The following GDF6 variants were observed in gnomAD, a reference collection of about 807,000 sequenced individuals.
GDF6 encodes the protein growth/differentiation factor 6.
Under a neutral mutation model 32.4 loss-of-function variants are expected in GDF6, and 3 were observed. The ratio of observed to expected loss-of-function variants is 0.09; its 90% CI spans 0.04 to 0.24. The LOEUF (loss-of-function observed/expected upper bound fraction) is 0.24. Ranked by LOEUF, GDF6 falls within the 10% of genes least tolerant of loss-of-function variation. The probability of loss-of-function intolerance (pLI) is 1.00; values close to 1 mark genes in which losing one functional copy is unlikely to be tolerated. For synonymous variants in GDF6, 296 were observed against 295.3 expected, an observed-to-expected ratio of 1.00 and a Z score of -0.03; for missense variants, 589 against 637.9, an observed-to-expected ratio of 0.92 and a Z score of 0.83.
Position 96,160,775 on chromosome 8 carries a change from G to A in GDF6, c.-83C>T. The A allele has an allele frequency of 7.1e-7, 1 of 1,409,080 alleles. No homozygotes were observed. The highest frequency in any genetic ancestry group is 2.0e-5 in the Admixed American group (1 of 49,906). The allele number at this position is 1,409,080 out of a possible 1,614,324, so 87.3% of individuals were successfully genotyped here. On this transcript the variant is annotated 5_prime_UTR_variant, in exon 1 of 2. Coordinates refer to ENST00000287020, the MANE Select transcript of GDF6 (RefSeq NM_001001557.4). ...GGCACGGAGCGGCTGGACAGCGGCC[G>A]GGGCCCGGCTCCTCGGGCGGACTCG...
At chr8:96,153,639 A>G (rs1046300564) in intron 1 of GDF6, among the ~76,000 whole-genome samples, 1 of 152,218 alleles carries the variant, frequency 6.6e-6, no homozygotes, top group Non-Finnish European at 1.5e-5. Flanking sequence ...CGGAGCTGGA[A>G]TATGATCGGG....
rs748412399 is a variant in GDF6, at chr8:96,144,796, C to G, written c.1135G>C (p.Glu379Gln). ...CATACACCCTCGCAGTGATAGGCCT[C>G]GTACTCCAGGGGCGCGATAATCCAG... ...DDWIIAPLEY[E>Q]AYHCEGVCDF... Residue 379 changes from glutamate to glutamine, a missense_variant, in exon 2 of 2, where the codon GAG becomes CAG. This residue lies in a region of GDF6 where 153 missense variants were observed against 226.7 expected (regional missense o/e 0.67). Coordinates refer to ENST00000287020, the MANE Select transcript of GDF6 (RefSeq NM_001001557.4). The surrounding 1 kb of genome is among the most constrained non-coding windows in gnomAD (Gnocchi z 5.1). The G allele has an allele frequency of 6.2e-7, 1 of 1,614,108 alleles. No individual in the cohort carries two copies. Among genetic ancestry groups the G allele is most frequent in the South Asian group, 1.1e-5 (1 of 91,074 alleles).
chr8:96,157,270 C>A (rs1020733668), intron 1 of GDF6, among the ~76,000 whole-genome samples: 1 of 152,032 alleles, frequency 6.6e-6, no homozygotes, highest in African/African-American at 2.4e-5. Context: ...GAGAAGTGGC[C>A]TGGGATGGAG....
At position 96,145,655 on chromosome 8, in the gene GDF6, C is replaced by T; in HGVS notation, c.407-131G>A. On this transcript the variant is annotated intron_variant, in intron 1 of 1. Coordinates refer to ENST00000287020, the MANE Select transcript of GDF6 (RefSeq NM_001001557.4). This position sits in a 1 kb window ranked among gnomAD's most constrained non-coding sequence, Gnocchi z 5.6. The stretch of plus-strand genomic sequence containing the variant: ...GCCGGGCAGTCCAGCTTGCCCGGCC[C>T]AGGGCCTGACCACCCCGGCTCCCCA... 1 of 1,067,874 alleles carries T rather than the reference C, an allele frequency of 9.4e-7. No homozygotes were observed. Among genetic ancestry groups the T allele is most frequent in the Non-Finnish European group, 1.4e-6 (1 of 726,308 alleles). The allele number at this position is 1,067,874 out of a possible 1,614,324, so 66.1% of individuals were successfully genotyped here.
intron 1 of GDF6, among the ~76,000 whole-genome samples, chr8:96,158,818 G>A (rs571615407): frequency 5.3e-5 from 8 of 152,334 alleles, no homozygotes; most frequent in African/African-American, 1.9e-4. Context: ...CTTTGCAAAG[G>A]TGACTTTAGT....
intron 1 of GDF6, among the ~76,000 whole-genome samples, chr8:96,147,730 A>T (rs1351079408): frequency 6.6e-6 from 1 of 152,346 alleles, no homozygotes; most frequent in African/African-American, 2.4e-5. Context: ...CCTAAACCCC[A>T]CTGCCTCTCC....
chr8:96,148,062 G>A (rs1388415592), intron 1 of GDF6, among the ~76,000 whole-genome samples: 2 of 152,218 alleles, frequency 1.3e-5, no homozygotes, highest in Non-Finnish European at 2.9e-5. Flanking sequence ...ACTGAGGCAA[G>A]CATCTGTAGA....
At chr8:96,158,609 G>C (rs1166977690) in intron 1 of GDF6, among the ~76,000 whole-genome samples, 1 of 152,204 alleles carries the variant, frequency 6.6e-6, no homozygotes, top group African/African-American at 2.4e-5. Context: ...TTCTCTTGAG[G>C]AAGGGCCTCT....
At chr8:96,146,729 G>A (rs748851034) in intron 1 of GDF6, among the ~76,000 whole-genome samples, 1 of 145,712 alleles carries the variant, frequency 6.9e-6, no homozygotes, top group Admixed American at 6.9e-5. Flanking sequence ...GAGAGAGATA[G>A]AGAGACTTTC....
chr8:96,159,763 C>T (rs1812728035), intron 1 of GDF6, among the ~76,000 whole-genome samples: 1 of 152,264 alleles, frequency 6.6e-6, no homozygotes, highest in African/African-American at 2.4e-5. Flanking sequence ...CGCGCGGCGC[C>T]AGGACCAGGG....
Position 96,144,508 on chromosome 8 carries a change from C to A in GDF6, c.*55G>T. 1 of 1,596,140 alleles carries A rather than the reference C, an allele frequency of 6.3e-7. No homozygotes were observed. Among genetic ancestry groups the A allele is most frequent in the Non-Finnish European group, 8.5e-7 (1 of 1,172,078 alleles). On this transcript the variant is annotated 3_prime_UTR_variant, in exon 2 of 2. Coordinates refer to ENST00000287020, the MANE Select transcript of GDF6 (RefSeq NM_001001557.4). The surrounding 1 kb of genome is among the most constrained non-coding windows in gnomAD (Gnocchi z 5.1). ...CCTCTCTGCAGCCAGGCCTCCCCTGCAAGGCGGACCTTGGCCCACCTTGGT... is the reference window on the plus strand; with the variant it reads ...CCTCTCTGCAGCCAGGCCTCCCCTGAAAGGCGGACCTTGGCCCACCTTGGT...
rs1239937838 is a variant in GDF6 at position 96,145,237 on chromosome 8, C to T, written c.694G>A (p.Glu232Lys). The change falls in exon 2 of 2, where the codon GAG becomes AAG. Residue 232 changes from glutamate to lysine, a missense_variant. Glu to Lys is a moderately conservative substitution (Grantham distance 56). Around this residue, in one of 2 missense-constraint regions of GDF6, gnomAD observed 436 missense variants for 411.2 expected, o/e 1.06. Transcript: ENST00000287020. The surrounding 1 kb of genome is among the most constrained non-coding windows in gnomAD (Gnocchi z 5.6). ...AGCTCGCCCCATGCGGCCCGCAGCTCCAAGCACAGCTGCTTCCAGGGCTGG... is the reference window on the plus strand; with the variant it reads ...AGCTCGCCCCATGCGGCCCGCAGCTTCAAGCACAGCTGCTTCCAGGGCTGG... ...RHQPWKQLCL[E>K]LRAAWGELDA... The T allele has an allele frequency of 6.6e-7, 1 of 1,522,056 alleles. No homozygotes were observed. Among genetic ancestry groups the T allele is most frequent in the Admixed American group, 2.0e-5 (1 of 50,174 alleles). The allele number at this position is 1,522,056 out of a possible 1,614,324, so 94.3% of individuals were successfully genotyped here. A position where few individuals can be genotyped will look rare whatever the true frequency, so the allele number is the denominator to read the frequency against.
rs1267098956 is a variant in GDF6 at position 96,160,449 on chromosome 8, C to T, written c.244G>A (p.Ala82Thr). ...QDEPRAQQPR[A>T]QEPPGRGPRV... is the part of the protein sequence containing the mutation. ...GGACCCCTGCCTGGCGGCTCCTGCG[C>T]CCGGGGCTGCTGAGCCCGGGGTTCG... Residue 82 changes from alanine to threonine, a missense_variant, in exon 1 of 2, where the codon GCG becomes ACG. By Grantham distance (58) the Ala-to-Thr change is moderately conservative. Transcript: ENST00000287020. 6.2e-7 allele frequency: 1 copy of T among 1,613,646 alleles called. No homozygotes were observed. The highest frequency in any genetic ancestry group is 8.5e-7 in the Non-Finnish European group (1 of 1,179,760).
intron 1 of GDF6, among the ~76,000 whole-genome samples, chr8:96,153,005 ATCC>A (rs1424964724): frequency 6.6e-6 from 1 of 152,138 alleles, no homozygotes; most frequent in East Asian, 1.9e-4. Flanking sequence ...AAGAAAGGAG[ATCC>A]TCGAATCCCA....
chr8:96,150,503 C>T (rs952001335), intron 1 of GDF6, among the ~76,000 whole-genome samples: 3 of 152,252 alleles, frequency 2.0e-5, no homozygotes, highest in South Asian at 2.1e-4. Context: ...GGCACGTGCT[C>T]AGAGCTTTGA....
rs117797452 is a variant in GDF6, at chr8:96,154,489, G to A, written c.406+5798C>T. On this transcript the variant is annotated intron_variant, in intron 1 of 1. Transcript: ENST00000287020. ...GGAGATACTATTTAACCGACTTAGAGTTTAAAAATAAACAGCCAGGCCTTG... is the reference window on the plus strand; with the variant it reads ...GGAGATACTATTTAACCGACTTAGAATTTAAAAATAAACAGCCAGGCCTTG... Among the ~76,000 whole-genome samples, 1,196 of 152,168 alleles carry A rather than the reference G, an allele frequency of 7.9e-3. 6 individuals are homozygous for A. Among genetic ancestry groups the A allele is most frequent in the Non-Finnish European group, 0.012 (846 of 68,006 alleles).
chr8:96,144,638 T>C lies in GDF6; in HGVS notation c.1293A>G (p.Leu431=), dbSNP rs768948963. ...VPTKLTPISI[L]YIDAGNNVVY... ...CCACATTATTGCCCGCGTCGATGTA[T>C]AGAATGCTGATGGGAGTCAATTTGG... The change falls in exon 2 of 2, where the codon CTA becomes CTG. Residue 431 remains leucine, a synonymous_variant. Coordinates refer to ENST00000287020, the MANE Select transcript of GDF6 (RefSeq NM_001001557.4). The surrounding 1 kb of genome is among the most constrained non-coding windows in gnomAD (Gnocchi z 5.1). 34 of 1,613,966 alleles carry C rather than the reference T, an allele frequency of 2.1e-5. No individual in the cohort carries two copies. Among genetic ancestry groups the C allele is most frequent in the Admixed American group, 3.3e-5 (2 of 59,994 alleles).
Position 96,144,256 on chromosome 8 carries a change from G to GAGAGAGAGAGAGAGAGAC in GDF6, c.*306_*307insGTCTCTCTCTCTCTCTCT, listed in dbSNP as rs1812421709. On this transcript the variant is annotated 3_prime_UTR_variant, in exon 2 of 2. Coordinates refer to ENST00000287020, the MANE Select transcript of GDF6 (RefSeq NM_001001557.4). This position sits in a 1 kb window ranked among gnomAD's most constrained non-coding sequence, Gnocchi z 5.1. The stretch of plus-strand genomic sequence containing the variant: ...AAAGCCACAGTAATAGAGAGAGAGA[G>GAGAGAGAGAGAGAGAGAC]AGAGAGAGAGAGAGAGAGAGAGAGA... 2.6e-6 allele frequency: 1 copy of GAGAGAGAGAGAGAGAGAC among 384,942 alleles called. No individual in the cohort carries two copies. The highest frequency in any genetic ancestry group is 2.4e-5 in the African/African-American group (1 of 41,314). The allele number at this position is 384,942 out of a possible 1,614,324, so 23.8% of individuals were successfully genotyped here.
In GDF6 at chr8:96,144,256, G is replaced by GAGAGAA; in HGVS notation, c.*306_*307insTTCTCT. ...AAAGCCACAGTAATAGAGAGAGAGAGAGAGAGAGAGAGAGAGAGAGAGAGA... is the reference window on the plus strand; with the variant it reads ...AAAGCCACAGTAATAGAGAGAGAGAGAGAGAAAGAGAGAGAGAGAGAGAGAGAGAGA... On this transcript the variant is annotated 3_prime_UTR_variant, in exon 2 of 2. Coordinates refer to ENST00000287020, the MANE Select transcript of GDF6 (RefSeq NM_001001557.4). The surrounding 1 kb of genome is among the most constrained non-coding windows in gnomAD (Gnocchi z 5.1). 1.0e-5 allele frequency: 4 copies of GAGAGAA among 385,086 alleles called. No individual in the cohort carries two copies. The South Asian group carries it at 1.1e-4, about 11-fold the overall frequency. 23.9% of individuals were successfully genotyped at this position (385,086 alleles called of 1,614,324 possible).
Sources: gnomAD v4.1 joint callset for allele counts (sites outside exome capture counted in the v4.1 genomes callset) on GRCh38, gnomAD v4.1.1 for gene constraint, gnomAD v4.1.1 regional missense constraint, Gnocchi (gnomAD v3.1) non-coding constraint, MANE v1.5 for transcripts, NCBI Gene and HGNC (gene_info 2026-07-23, HGNC 2026-07-21) for gene names.